The following FOXJ3 variants were observed in gnomAD, a reference collection of about 807,000 sequenced individuals.
The protein encoded by FOXJ3 is forkhead box J3.
In FOXJ3, 22 loss-of-function variants were observed where a neutral mutation model predicts 76.1. That is an observed-to-expected ratio of 0.29 (90% CI 0.21 to 0.41). The LOEUF (loss-of-function observed/expected upper bound fraction) is 0.41, where lower values mean the gene tolerates loss of function less well. Among genes scored for constraint, FOXJ3 ranks in the 10% least tolerant of loss-of-function variants. FOXJ3 has a pLI of 1.00. For missense variants in FOXJ3, 613 were observed against 762.1 expected, an observed-to-expected ratio of 0.80 and a Z score of 2.30; for synonymous variants, 269 against 261.2, an observed-to-expected ratio of 1.03 and a Z score of -0.29.
chr1:42,190,070 G>A (rs1646512535), intron 9 of FOXJ3, among the ~76,000 whole-genome samples: 1 of 152,194 alleles, frequency 6.6e-6, no homozygotes, highest in Non-Finnish European at 1.5e-5. Flanking sequence ...GGCATTTTTA[G>A]TCAGAAATGG....
intron 3 of FOXJ3, among the ~76,000 whole-genome samples, chr1:42,267,022 A>G (rs751544089): frequency 9.9e-5 from 15 of 152,060 alleles, no homozygotes; most frequent in Non-Finnish European, 2.1e-4. Flanking sequence ...CCAGGATCCT[A>G]TACAGATACC....
At chr1:42,267,498 A>C (rs1651555401) in intron 3 of FOXJ3, among the ~76,000 whole-genome samples, 1 of 152,148 alleles carries the variant, frequency 6.6e-6, no homozygotes, top group African/African-American at 2.4e-5. Flanking sequence ...ATGCTTGTCC[A>C]TTCACAAGTA....
At chr1:42,221,887 A>G (rs1450015304) in intron 5 of FOXJ3, among the ~76,000 whole-genome samples, 16 of 140,912 alleles carry the variant, frequency 1.1e-4, no homozygotes, top group Non-Finnish European at 1.4e-4. Flanking sequence ...CCAAGGCAAG[A>G]GAACTGCTTG....
At chr1:42,246,202 A>T (rs1381953999) in intron 4 of FOXJ3, among the ~76,000 whole-genome samples, 1 of 152,220 alleles carries the variant, frequency 6.6e-6, no homozygotes, top group African/African-American at 2.4e-5. Flanking sequence ...CAAAGTAAAT[A>T]ATCAACGGAG....
rs116585007 is a variant in FOXJ3 at position 42,224,370 on chromosome 1, G to A, written c.528+3513C>T. ...GAAGAAATATAATAATAACAGAACA[G>A]AGAGCACACACAGGCTTATGCTCAT... On this transcript the variant is annotated intron_variant, in intron 5 of 12. Transcript: ENST00000361346. 4.3e-3 allele frequency among the ~76,000 whole-genome samples: 649 copies of A among 150,348 alleles called. 5 individuals are homozygous for A. The highest frequency in any genetic ancestry group is 0.015 in the African/African-American group (617 of 41,062).
intron 5 of FOXJ3, among the ~76,000 whole-genome samples, chr1:42,218,703 A>G (rs1338966722): frequency 6.6e-6 from 1 of 152,184 alleles, no homozygotes; most frequent in African/African-American, 2.4e-5. Flanking sequence ...TCACTACTCT[A>G]TTCATATCCC....
At chr1:42,285,615 G>A (rs796115544) in intron 2 of FOXJ3, among the ~76,000 whole-genome samples, 186 of 152,188 alleles carry the variant, frequency 1.2e-3, no homozygotes, top group African/African-American at 3.9e-3. Flanking sequence ...TCCCAGAAAC[G>A]GCATCTTTAT....
intron 12 of FOXJ3, among the ~76,000 whole-genome samples, chr1:42,180,813 T>C (rs114293296): frequency 1.4e-3 from 218 of 152,330 alleles, no homozygotes; most frequent in Non-Finnish European, 2.2e-3. Context: ...GTAGTTTTAT[T>C]AGCCCCTTTT....
chr1:42,189,219 T>A lies in FOXJ3; in HGVS notation c.1453+84A>T, dbSNP rs142352854. 833 of 934,230 alleles carry A rather than the reference T, an allele frequency of 8.9e-4. 4 individuals are homozygous for A. In the African/African-American group the frequency reaches 0.011, roughly 13 times the overall value. 57.9% of individuals were successfully genotyped at this position (934,230 alleles called of 1,614,324 possible). On this transcript the variant is annotated intron_variant, in intron 10 of 12. Transcript: ENST00000361346. ...GAAATGCTATATAAGATGATGTTTA[T>A]TTCTACTACAAAGAAAGTTATAATC...
intron 1 of FOXJ3, among the ~76,000 whole-genome samples, chr1:42,322,236 T>A (rs941854573): frequency 2.0e-5 from 3 of 152,122 alleles, no homozygotes; most frequent in African/African-American, 7.2e-5. Flanking sequence ...ATACCTTATC[T>A]GGATCTTGAG....
At chr1:42,186,770 C>T (rs1342016182) in intron 11 of FOXJ3, among the ~76,000 whole-genome samples, 1 of 152,176 alleles carries the variant, frequency 6.6e-6, no homozygotes, top group African/African-American at 2.4e-5. Context: ...ACCTTTCTTA[C>T]AGACTTAGGG....
chr1:42,324,947 AT>A (rs1655741428), intron 1 of FOXJ3, among the ~76,000 whole-genome samples: 2 of 151,578 alleles, frequency 1.3e-5, no homozygotes, highest in Non-Finnish European at 1.5e-5. Context: ...CAAGATTATG[AT>A]GGCTTTGAGG....
At chr1:42,219,392 A>T (rs2124408941) in intron 5 of FOXJ3, among the ~76,000 whole-genome samples, 1 of 152,312 alleles carries the variant, frequency 6.6e-6, no homozygotes, top group South Asian at 2.1e-4. Context: ...TATCATAGGT[A>T]TGCCTGTTTA....
chr1:42,298,231 T>C (rs1440224103), intron 2 of FOXJ3, among the ~76,000 whole-genome samples: 1 of 152,230 alleles, frequency 6.6e-6, no homozygotes, highest in Non-Finnish European at 1.5e-5. Context: ...CCTGTGGAAC[T>C]GTGAGTCAAC....
In FOXJ3 at chr1:42,311,130, T is replaced by C. The variant is rs548473303; in HGVS notation, c.-17-20A>G. The stretch of plus-strand genomic sequence containing the variant: ...GAGAATCTGAAAAGCAAAGAAGAGT[T>C]AGTTATCAGATACTGCAAAGTAAAT... On this transcript the variant is annotated intron_variant, in intron 1 of 12. Coordinates refer to ENST00000361346, the MANE Select transcript of FOXJ3 (RefSeq NM_014947.5). The C allele has an allele frequency of 1.3e-6, 2 of 1,536,728 alleles. No homozygotes were observed. The highest frequency in any genetic ancestry group is 4.5e-5 in the East Asian group (2 of 44,028).
At chr1:42,307,979 G>C (rs1348616444) in intron 2 of FOXJ3, among the ~76,000 whole-genome samples, 2 of 152,190 alleles carry the variant, frequency 1.3e-5, no homozygotes, top group African/African-American at 4.8e-5. Flanking sequence ...TATTTAGAGA[G>C]ACTGGGGGAG....
chr1:42,302,668 A>G (rs936605509), intron 2 of FOXJ3, among the ~76,000 whole-genome samples: 1 of 152,234 alleles, frequency 6.6e-6, no homozygotes, highest in Non-Finnish European at 1.5e-5. Flanking sequence ...CTAAAGATAC[A>G]TCTCTGCACT....
chr1:42,250,976 A>G (rs1182175794), intron 4 of FOXJ3, among the ~76,000 whole-genome samples: 1 of 152,044 alleles, frequency 6.6e-6, no homozygotes, highest in Admixed American at 6.5e-5. Context: ...ATGTCTTATT[A>G]TAACTGACCC....
At chr1:42,238,332 G>A (rs1039739308) in intron 4 of FOXJ3, among the ~76,000 whole-genome samples, 7 of 152,028 alleles carry the variant, frequency 4.6e-5, no homozygotes, top group Non-Finnish European at 1.0e-4. Context: ...ATGCCCAGCC[G>A]CCAATACCAT....
Sources: gnomAD v4.1 joint callset for allele counts (sites outside exome capture counted in the v4.1 genomes callset) on GRCh38, gnomAD v4.1.1 for gene constraint, MANE v1.5 for transcripts, NCBI Gene and HGNC (gene_info 2026-07-23, HGNC 2026-07-21) for gene names.